The following CAP2 variants were observed in gnomAD, a reference collection of about 807,000 sequenced individuals.
CAP2 encodes the protein adenylyl cyclase-associated protein 2.
In CAP2, 24 loss-of-function variants were observed where a neutral mutation model predicts 57.7. The observed-to-expected ratio is 0.42, with a 90% CI of 0.30 to 0.58. The LOEUF (loss-of-function observed/expected upper bound fraction) is 0.58. Among genes scored for constraint, CAP2 ranks in the 20% least tolerant of loss-of-function variants. The pLI is 0.22. For synonymous variants in CAP2, 194 were observed against 207.2 expected, an observed-to-expected ratio of 0.94 and a Z score of 0.55; for missense variants, 501 against 590.3, an observed-to-expected ratio of 0.85 and a Z score of 1.57.
At chr6:17,497,846 A>C (rs1761707289) in intron 4 of CAP2, among the ~76,000 whole-genome samples, 1 of 152,242 alleles carries the variant, frequency 6.6e-6, no homozygotes, top group South Asian at 2.1e-4. Flanking sequence ...TATAAATCTC[A>C]ACCTGAGGGA....
intron 4 of CAP2, among the ~76,000 whole-genome samples, chr6:17,500,373 A>ATATATATATATATATATATATT (rs1761784539): frequency 8.8e-6 from 1 of 113,452 alleles, no homozygotes; most frequent in Non-Finnish European, 1.8e-5. Context: ...ATATATATAT[A>ATATATATATATATATATATATT]TATATATATA....
At chr6:17,397,975 A>G (rs1344889084) in intron 1 of CAP2, among the ~76,000 whole-genome samples, 1 of 152,048 alleles carries the variant, frequency 6.6e-6, no homozygotes. Context: ...CATTGATGGC[A>G]TGTAACCACT....
chr6:17,479,878 G>A (rs780172459), intron 4 of CAP2, among the ~76,000 whole-genome samples: 1 of 151,944 alleles, frequency 6.6e-6, no homozygotes, highest in Non-Finnish European at 1.5e-5. Flanking sequence ...GCCTCCCAAA[G>A]TGCTGGGATT....
At chr6:17,415,925 A>G (rs1205525594) in intron 1 of CAP2, among the ~76,000 whole-genome samples, 1 of 152,128 alleles carries the variant, frequency 6.6e-6, no homozygotes, top group Non-Finnish European at 1.5e-5. Flanking sequence ...CCCTTCACCA[A>G]TGAGCACAAG....
At chr6:17,451,686 T>C (rs1760407872) in intron 3 of CAP2, among the ~76,000 whole-genome samples, 1 of 152,090 alleles carries the variant, frequency 6.6e-6, no homozygotes, top group African/African-American at 2.4e-5. Context: ...ATTTTTGTAT[T>C]TTTAGTAGAG....
chr6:17,404,915 TCA>T (rs201008216), intron 1 of CAP2, among the ~76,000 whole-genome samples: 15,784 of 152,102 alleles, frequency 0.1, 2,725 homozygotes, highest in African/African-American at 0.36. Flanking sequence ...TTGGAGGCAC[TCA>T]CCAGAAGGTA....
chr6:17,516,151 G>A (rs575131132), intron 7 of CAP2, among the ~76,000 whole-genome samples: 1 of 152,224 alleles, frequency 6.6e-6, no homozygotes, highest in South Asian at 2.1e-4. Flanking sequence ...CCCCATCTGG[G>A]TTGACTGGCT....
At chr6:17,407,821 G>A (rs1274555375) in intron 1 of CAP2, among the ~76,000 whole-genome samples, 2 of 148,712 alleles carry the variant, frequency 1.3e-5, no homozygotes, top group African/African-American at 2.5e-5. Context: ...AAGTGTGAAA[G>A]TAGACCCAGG....
rs150149887 is a variant in CAP2 at position 17,536,115 on chromosome 6, G to A, written c.637-3154G>A. 1.2e-3 allele frequency: 527 copies of A among 442,028 alleles called. 6 individuals carry two copies. Among genetic ancestry groups the A allele is most frequent in the Admixed American group, 0.011 (436 of 41,370 alleles). The allele number at this position is 442,028 out of a possible 1,614,324, so 27.4% of individuals were successfully genotyped here. ...ACTACATACAGGTGTGAGCCTCCGC[G>A]CCCAGCCTTCTCTCTGTTTTTTCTT... is the stretch of plus-strand genomic sequence containing the variant. On this transcript the variant is annotated intron_variant, in intron 7 of 12. Transcript: ENST00000229922.
chr6:17,443,996 T>A (rs931562630), intron 3 of CAP2, among the ~76,000 whole-genome samples: 1 of 152,158 alleles, frequency 6.6e-6, no homozygotes, highest in Non-Finnish European at 1.5e-5. Flanking sequence ...AAAACCCTTT[T>A]AAAAAAATAT....
intron 4 of CAP2, among the ~76,000 whole-genome samples, chr6:17,501,209 G>T (rs570285859): frequency 6.6e-6 from 1 of 152,176 alleles, no homozygotes; most frequent in East Asian, 1.9e-4. Context: ...CATTCTTATG[G>T]TTTGAATCGC....
intron 3 of CAP2, among the ~76,000 whole-genome samples, chr6:17,444,556 G>A (rs934147889): frequency 6.7e-6 from 1 of 148,744 alleles, no homozygotes; most frequent in African/African-American, 2.5e-5. Flanking sequence ...CAGGAGAATC[G>A]CTTGATTCCG....
chr6:17,532,609 G>T (rs1328562070), intron 7 of CAP2, among the ~76,000 whole-genome samples: 2 of 151,470 alleles, frequency 1.3e-5, no homozygotes, highest in East Asian at 2.0e-4. Flanking sequence ...TTAGCCAGGC[G>T]TGGTGGCAGG....
intron 3 of CAP2, among the ~76,000 whole-genome samples, chr6:17,453,214 C>G (rs1760461628): frequency 6.6e-6 from 1 of 152,142 alleles, no homozygotes; most frequent in Non-Finnish European, 1.5e-5. Flanking sequence ...GAAGTAGAGA[C>G]TTGGAAGAAT....
chr6:17,499,069 T>C (rs915104135), intron 4 of CAP2, among the ~76,000 whole-genome samples: 1 of 150,034 alleles, frequency 6.7e-6, no homozygotes, highest in Non-Finnish European at 1.5e-5. Flanking sequence ...AAAAAAAAAA[T>C]GTGCCAATGA....
At chr6:17,555,356 G>A (rs558047714) in intron 12 of CAP2, among the ~76,000 whole-genome samples, 76 of 151,494 alleles carry the variant, frequency 5.0e-4, no homozygotes, top group African/African-American at 1.7e-3. Flanking sequence ...CACCACGCCC[G>A]GCTAATTTTG....
intron 4 of CAP2, among the ~76,000 whole-genome samples, chr6:17,476,438 A>G (rs562966956): frequency 6.6e-6 from 1 of 152,358 alleles, no homozygotes; most frequent in South Asian, 2.1e-4. Flanking sequence ...TTTTGTGATT[A>G]AGTGAGAGCT....
At chr6:17,416,942 T>A (rs947481799) in intron 1 of CAP2, among the ~76,000 whole-genome samples, 5 of 151,966 alleles carry the variant, frequency 3.3e-5, no homozygotes, top group Non-Finnish European at 7.4e-5. Flanking sequence ...AAAATGAATT[T>A]AAAAAATTAA....
At chr6:17,409,114 G>A (rs532959088) in intron 1 of CAP2, among the ~76,000 whole-genome samples, 9 of 149,870 alleles carry the variant, frequency 6.0e-5, no homozygotes, top group African/African-American at 2.2e-4. Flanking sequence ...GCTCACGCCT[G>A]TAATCCCAGC....
Sources: gnomAD v4.1 joint callset for allele counts (sites outside exome capture counted in the v4.1 genomes callset) on GRCh38, gnomAD v4.1.1 for gene constraint, MANE v1.5 for transcripts, NCBI Gene and HGNC (gene_info 2026-07-23, HGNC 2026-07-21) for gene names.